Variants in CDKL3 observed in about 807,000 individuals in gnomAD.
CDKL3 encodes cyclin dependent kinase like 3.
A neutral mutation model predicts 69.3 loss-of-function variants in CDKL3; 65 were observed. That is an observed-to-expected ratio of 0.94 (90% confidence interval 0.77 to 1.15). The LOEUF (loss-of-function observed/expected upper bound fraction) is 1.15, where lower values mean the gene tolerates loss of function less well. Among genes scored for constraint, CDKL3 ranks in the 50% most tolerant of loss-of-function variants. CDKL3 has a pLI of 0.00. For synonymous variants in CDKL3, 202 were observed against 221.6 expected, an observed-to-expected ratio of 0.91 and a Z score of 0.79; for missense variants, 652 against 689.2, an observed-to-expected ratio of 0.95 and a Z score of 0.61.
chr5:134,288,026 C>G (rs1764950085), intron 8 of CDKL3, among the ~76,000 whole-genome samples: 1 of 151,898 alleles, frequency 6.6e-6, no homozygotes, highest in Non-Finnish European at 1.5e-5. Context: ...TCCCGAGTAG[C>G]TGGGATTACA....
Position 134,366,404 on chromosome 5 carries a change from T to C in CDKL3, c.120A>G (p.Glu40=), listed in dbSNP as rs949690989. 6 of 1,598,524 alleles carry C rather than the reference T, an allele frequency of 3.8e-6. No individual in the cohort carries two copies. The highest frequency in any genetic ancestry group is 4.3e-6 in the Non-Finnish European group (5 of 1,172,758). The change falls in exon 2 of 13, where the codon GAA becomes GAG. Residue 40 remains glutamate (E), a synonymous_variant. Transcript: ENST00000265334. ...VAIKIFYERP[E]QSVNKIAMRE... ...TCATCGCAATTTTGTTGACAGATTG[T>C]TCTGGTCTCTCATAAAATATCTTAA... is the stretch of plus-strand genomic sequence containing the variant.
chr5:134,371,565 T>C (rs35674764), upstream of CDKL3: 37 of 1,610,034 alleles, frequency 2.3e-5, no homozygotes, highest in African/African-American at 4.7e-4. Flanking sequence ...ACTTTTTTTT[T>C]TTCAGACTGA....
chr5:134,354,018 T>A (rs1753950378), intron 3 of CDKL3, among the ~76,000 whole-genome samples: 1 of 152,184 alleles, frequency 6.6e-6, no homozygotes, highest in South Asian at 2.1e-4. Flanking sequence ...TTGCCAGGGT[T>A]TGTCTAATCT....
chr5:134,354,433 G>A (rs992151843), intron 3 of CDKL3, among the ~76,000 whole-genome samples: 1 of 152,142 alleles, frequency 6.6e-6, no homozygotes, highest in Non-Finnish European at 1.5e-5. Flanking sequence ...AAATCTTTGA[G>A]ACTGGCTCTT....
chr5:134,357,792 C>A (rs1222159096), intron 3 of CDKL3, among the ~76,000 whole-genome samples: 2 of 152,214 alleles, frequency 1.3e-5, no homozygotes, highest in African/African-American at 4.8e-5. Context: ...CAAACCGTTA[C>A]CACCCACACA....
At chr5:134,297,938 G>GTGTGTA (rs1554075104), downstream of CDKL3, among the ~76,000 whole-genome samples, 13 of 139,658 alleles carry the variant, frequency 9.3e-5, no homozygotes, top group South Asian at 2.3e-4. Context: ...GTGTGTGTGT[G>GTGTGTA]TGTGTGTGTT....
intron 4 of CDKL3, among the ~76,000 whole-genome samples, chr5:134,327,647 A>G (rs2149510284): frequency 6.6e-6 from 1 of 152,090 alleles, no homozygotes; most frequent in Admixed American, 6.5e-5. Flanking sequence ...AGGGAATAAC[A>G]CAGTTAGGAG....
chr5:134,348,350 A>G (rs1337503068), intron 4 of CDKL3, among the ~76,000 whole-genome samples: 9 of 152,164 alleles, frequency 5.9e-5, no homozygotes, highest in Non-Finnish European at 1.3e-4. Flanking sequence ...GCAAAATCCT[A>G]TTTTTTGATC....
At chr5:134,303,668 ACCC>A (rs112941862) in intron 11 of CDKL3, among the ~76,000 whole-genome samples, 115 of 139,300 alleles carry the variant, frequency 8.3e-4, no homozygotes, top group Non-Finnish European at 1.5e-3. Context: ...AAATGGTGGA[ACCC>A]CCCCCCCGTC....
At chr5:134,367,468 G>A (rs1030044150), upstream of CDKL3, 75 of 901,580 alleles carry the variant, frequency 8.3e-5, 1 homozygote, top group Admixed American at 4.7e-3. Context: ...CCTCCTTCCA[G>A]GTTTAAGTGA....
intron 4 of CDKL3, among the ~76,000 whole-genome samples, chr5:134,338,712 G>C (rs1010913370): frequency 6.7e-6 from 1 of 150,308 alleles, no homozygotes; most frequent in African/African-American, 2.4e-5. Flanking sequence ...CACACACACA[G>C]ATAGTAAAAA....
intron 4 of CDKL3, among the ~76,000 whole-genome samples, chr5:134,349,748 G>C (rs961822058): frequency 5.3e-5 from 8 of 152,186 alleles, no homozygotes; most frequent in Admixed American, 1.3e-4. Flanking sequence ...CGTAGCAGTA[G>C]CAGTAGCCAG....
intron 4 of CDKL3, among the ~76,000 whole-genome samples, chr5:134,328,899 A>G (rs1179385259): frequency 1.3e-5 from 2 of 152,236 alleles, no homozygotes; most frequent in African/African-American, 2.4e-5. Flanking sequence ...TATATCTAGC[A>G]AAGATATCTT....
At chr5:134,294,000 T>C (rs1414965558), downstream of CDKL3, among the ~76,000 whole-genome samples, 2 of 152,004 alleles carry the variant, frequency 1.3e-5, no homozygotes, top group Admixed American at 1.3e-4. Flanking sequence ...CAGTGACTAC[T>C]TGGGAGACTG....
chr5:134,350,409 T>C lies in CDKL3; in HGVS notation c.379A>G (p.Lys127Glu), dbSNP rs773229179. The C allele has an allele frequency of 2.5e-5, 39 of 1,559,302 alleles. No homozygotes were observed. Among genetic ancestry groups the C allele is most frequent in the Non-Finnish European group, 3.2e-5 (37 of 1,150,346 alleles). The change falls in exon 4 of 13, where the codon AAA becomes GAA. Residue 127 changes from lysine to glutamate, a missense_variant. Lys to Glu is a moderately conservative substitution (Grantham distance 56). Coordinates refer to ENST00000265334, the MANE Select transcript of CDKL3 (RefSeq NM_001113575.2). ...TGGGATACTAAAATATTCTCAGGTT[T>C]TATATCTCGATGAATGATCTAAAAA... ...HSNNIIHRDI[K>E]PENILVSQSG...
Position 134,350,405 on chromosome 5 carries a change from G to A in CDKL3, c.383C>T (p.Pro128Leu). Reference sequence around the variant, plus strand: ...TGACTGGGATACTAAAATATTCTCAGGTTTTATATCTCGATGAATGATCTA... The same window carrying A: ...TGACTGGGATACTAAAATATTCTCAAGTTTTATATCTCGATGAATGATCTA... Reference protein sequence around the residue: ...SNNIIHRDIKPENILVSQSGI... With the variant: ...SNNIIHRDIKLENILVSQSGI... Residue 128 changes from proline (P) to leucine (L), a missense_variant, in exon 4 of 13, where the codon CCT becomes CTT. Physicochemically the swap from Pro to Leu is moderately conservative, Grantham distance 98. Transcript: ENST00000265334. 6.4e-7 allele frequency: 1 copy of A among 1,562,204 alleles called. No individual in the cohort carries two copies. Among genetic ancestry groups the A allele is most frequent in the Non-Finnish European group, 8.7e-7 (1 of 1,152,364 alleles).
chr5:134,319,229 G>C, intron 6 of CDKL3, 129 bp downstream of exon 6: 1 of 640,780 alleles, frequency 1.6e-6, no homozygotes, highest in Non-Finnish European at 2.4e-6. Context: ...TACTCGGAAG[G>C]CTGAGGCAGG....
rs974832134 is a variant in CDKL3, at chr5:134,347,813, G to A, written c.539+2436C>T. Among the ~76,000 whole-genome samples, 3 of 151,018 alleles carry A rather than the reference G, an allele frequency of 2.0e-5. No individual in the cohort carries two copies. In the East Asian group the frequency reaches 5.8e-4, roughly 29 times the overall value. ...TAATTCTACTTATATGAAATGTCCAGAATAGGCAAATCCATAGCGAATGAA... is the reference window on the plus strand; with the variant it reads ...TAATTCTACTTATATGAAATGTCCAAAATAGGCAAATCCATAGCGAATGAA... On this transcript the variant is annotated intron_variant, in intron 4 of 12. Coordinates refer to ENST00000265334, the MANE Select transcript of CDKL3 (RefSeq NM_001113575.2).
At chr5:134,320,498 A>G (rs1234202376) in intron 5 of CDKL3, among the ~76,000 whole-genome samples, 5 of 152,050 alleles carry the variant, frequency 3.3e-5, no homozygotes, top group East Asian at 3.9e-4. Context: ...GAATCACCTG[A>G]GCCCAGGAAG....
Sources: allele counts gnomAD v4.1 joint callset (sites outside exome capture counted in the v4.1 genomes callset), GRCh38; gene constraint gnomAD v4.1.1; transcripts MANE v1.5; gene names NCBI Gene and HGNC (gene_info 2026-07-23, HGNC 2026-07-21).